HOXA3: variants seen among roughly 807,000 people sequenced by gnomAD.
HOXA3 encodes homeobox protein Hox-A3.
HOXA3 carries 8 observed loss-of-function variants against 30.3 expected under a neutral mutation model. The ratio of observed to expected loss-of-function variants is 0.26; its 90% CI spans 0.15 to 0.48. The LOEUF (loss-of-function observed/expected upper bound fraction) is 0.48. HOXA3 is among the 20% of genes least tolerant of loss of function. The probability of loss-of-function intolerance (pLI) is 0.99; values close to 1 mark genes in which losing one functional copy is unlikely to be tolerated. For synonymous variants in HOXA3, 323 were observed against 273.1 expected, an observed-to-expected ratio of 1.18 and a Z score of -1.80; for missense variants, 653 against 614.4, an observed-to-expected ratio of 1.06 and a Z score of -0.66.
In HOXA3 at chr7:27,129,769, A is replaced by C. The variant is rs6957209; in HGVS notation, c.-389-2699T>G. Reference sequence around the variant, plus strand: ...GGCTATTGACAACGGGAAACACCCGAGAGCCATAAAGAATGGTGCTGGGCA... The same window carrying C: ...GGCTATTGACAACGGGAAACACCCGCGAGCCATAAAGAATGGTGCTGGGCA... On this transcript the variant is annotated intron_variant, in intron 2 of 5. Coordinates refer to ENST00000612286, the MANE Select transcript of HOXA3 (RefSeq NM_153631.3). Among the ~76,000 whole-genome samples, 20,757 of 152,258 alleles carry C rather than the reference A, an allele frequency of 0.14. 1,711 individuals carry two copies. Among genetic ancestry groups the C allele is most frequent in the African/African-American group, 0.21 (8,914 of 41,540 alleles).
chr7:27,129,436 G>A (rs755660182), intron 2 of HOXA3: 10 of 1,614,120 alleles, frequency 6.2e-6, no homozygotes, highest in African/African-American at 1.3e-5. Context: ...CAAACAGAGC[G>A]TGTGGGCGAT....
At position 27,114,744 on chromosome 7, in the gene HOXA3, T is replaced by TACACACACACACACACACACACAC. The variant is rs70994629; in HGVS notation, c.-120-4008_-120-3985dup. On this transcript the variant is annotated intron_variant, in intron 4 of 5. Coordinates refer to ENST00000612286, the MANE Select transcript of HOXA3 (RefSeq NM_153631.3). The stretch of plus-strand genomic sequence containing the variant: ...CTGACCCCAAGAGAAACCGACATCA[T>TACACACACACACACACACACACAC]ACACACACACACACACACACACACG... 4.9e-3 allele frequency among the ~76,000 whole-genome samples: 461 copies of TACACACACACACACACACACACAC among 93,422 alleles called. 24 individuals carry two copies. Among genetic ancestry groups the TACACACACACACACACACACACAC allele is most frequent in the South Asian group, 6.6e-3 (16 of 2,412 alleles). 61.3% of individuals were successfully genotyped at this position (93,422 alleles called of 152,430 possible). A position where few individuals can be genotyped will look rare whatever the true frequency, so the allele number is the denominator to read the frequency against.
intron 4 of HOXA3, among the ~76,000 whole-genome samples, chr7:27,114,151 G>A (rs1274161853): frequency 6.6e-6 from 1 of 151,722 alleles, no homozygotes; most frequent in Non-Finnish European, 1.5e-5. Flanking sequence ...GAGGGAGAAG[G>A]GGAGCTCGGC....
intron 2 of HOXA3, chr7:27,129,174 G>T (rs764552555): frequency 1.8e-6 from 2 of 1,097,268 alleles, no homozygotes; most frequent in East Asian, 4.7e-5. Flanking sequence ...AGCAGGAGAA[G>T]AGAAGAGAAA....
intron 2 of HOXA3, chr7:27,129,678 C>T (rs1785436621): frequency 1.7e-6 from 2 of 1,203,492 alleles, no homozygotes; most frequent in Admixed American, 3.9e-5. Flanking sequence ...TGGACATCAT[C>T]ATTATATAAT....
chr7:27,130,856 C>T, intron 2 of HOXA3: 3 of 1,017,552 alleles, frequency 2.9e-6, no homozygotes, highest in African/African-American at 1.6e-5. Context: ...TCCCCTCCCC[C>T]CGCTGTCAAG....
chr7:27,127,331 A>G (rs1785326200), intron 2 of HOXA3, among the ~76,000 whole-genome samples: 1 of 152,138 alleles, frequency 6.6e-6, no homozygotes, highest in Non-Finnish European at 1.5e-5. Flanking sequence ...GGCTCTTCAG[A>G]GACTGGTATC....
intron 1 of HOXA3, chr7:27,145,691 G>A: frequency 6.2e-7 from 1 of 1,614,160 alleles, no homozygotes; most frequent in African/African-American, 1.3e-5. Context: ...AGTCCTCCCC[G>A]CTGGGCTGCG....
intron 4 of HOXA3, among the ~76,000 whole-genome samples, chr7:27,116,946 T>C (rs1278229396): frequency 1.3e-5 from 2 of 151,332 alleles, no homozygotes; most frequent in Non-Finnish European, 3.0e-5. Flanking sequence ...CCTGATTTGA[T>C]TTTTTTTTCA....
At chr7:27,126,229 C>T (rs969880889) in intron 3 of HOXA3, among the ~76,000 whole-genome samples, 16 of 152,124 alleles carry the variant, frequency 1.1e-4, no homozygotes, top group African/African-American at 3.6e-4. Flanking sequence ...TGTCTCCTAT[C>T]CGATTTAGGT....
At chr7:27,129,289 T>C in intron 2 of HOXA3, 4 of 1,613,896 alleles carry the variant, frequency 2.5e-6, no homozygotes, top group Non-Finnish European at 3.4e-6. Context: ...GTGTGGGCTC[T>C]GAGTTTGTGC....
At chr7:27,114,506 C>G (rs1464803949) in intron 4 of HOXA3, among the ~76,000 whole-genome samples, 1 of 151,726 alleles carries the variant, frequency 6.6e-6, no homozygotes, top group African/African-American at 2.4e-5. Flanking sequence ...CAACTGGGCT[C>G]TCTTTGGTTA....
At position 27,107,070 on chromosome 7, in the gene HOXA3, A is replaced by T. The variant is rs1035139769; in HGVS notation, c.*845T>A. The T allele has an allele frequency of 3.9e-5, 6 of 152,790 alleles. No individual in the cohort carries two copies. The highest frequency in any genetic ancestry group is 3.4e-3 in the Middle Eastern group (1 of 294). 9.5% of individuals were successfully genotyped at this position (152,790 alleles called of 1,614,324 possible). Reference sequence around the variant, plus strand: ...TCAGAATGTGAGCAGCAAGGAATGAAGAACTCTCAAAACAAATCTAGTATT... The same window carrying T: ...TCAGAATGTGAGCAGCAAGGAATGATGAACTCTCAAAACAAATCTAGTATT... On this transcript the variant is annotated 3_prime_UTR_variant, in exon 6 of 6. Coordinates refer to ENST00000612286, the MANE Select transcript of HOXA3 (RefSeq NM_153631.3).
At chr7:27,114,464 G>A (rs1784563539) in intron 4 of HOXA3, among the ~76,000 whole-genome samples, 1 of 151,910 alleles carries the variant, frequency 6.6e-6, no homozygotes, top group Admixed American at 6.6e-5. Flanking sequence ...GGGGAGCTGG[G>A]ATAAGGCTTT....
chr7:27,150,317 TC>T (rs994624788), intron 1 of HOXA3: 1 of 152,346 alleles, frequency 6.6e-6, no homozygotes, highest in African/African-American at 2.4e-5. Flanking sequence ...CCTTTCAGTT[TC>T]TCTCCAAGGG....
chr7:27,108,575 C>T lies in HOXA3; in HGVS notation c.672G>A (p.Met224Ile), dbSNP rs1784164959. ...RYLCRPRRVE[M>I]ANLLNLTERQ... Reference sequence around the variant, plus strand: ...GCTCAGTGAGGTTCAGCAGATTGGCCATCTCCACCCGGCGCGGCCGGCACA... The same window carrying T: ...GCTCAGTGAGGTTCAGCAGATTGGCTATCTCCACCCGGCGCGGCCGGCACA... Residue 224 changes from methionine (M) to isoleucine (I), a missense_variant, in exon 6 of 6, where the codon ATG (methionine) becomes ATA (isoleucine). Physicochemically the swap from Met to Ile is conservative, Grantham distance 10 (BLOSUM62 1). Transcript: ENST00000612286. The surrounding 1 kb of genome is among the most constrained non-coding windows in gnomAD (Gnocchi z 5.0). The T allele has an allele frequency of 6.2e-7, 1 of 1,614,158 alleles. No homozygotes were observed. The highest frequency in any genetic ancestry group is 1.1e-5 in the South Asian group (1 of 91,088).
intron 2 of HOXA3, chr7:27,128,430 C>G (rs1324409509): frequency 6.6e-6 from 1 of 152,248 alleles, no homozygotes; most frequent in Non-Finnish European, 1.5e-5. Flanking sequence ...AAGCTATCTA[C>G]AAGGTTTTTA....
chr7:27,117,148 G>A (rs1784768670), intron 4 of HOXA3, among the ~76,000 whole-genome samples: 1 of 152,146 alleles, frequency 6.6e-6, no homozygotes, highest in African/African-American at 2.4e-5. Flanking sequence ...CAATAATCTG[G>A]AAACATGCAG....
rs909441206 is a variant in HOXA3 at position 27,108,693 on chromosome 7, G to C, written c.554C>G (p.Pro185Arg). ...GCGCTTGGACGAAGCCTGCCCCGGC[G>C]GGCTCTTGTCGCCAGCGCAGCTTTC... ...SGESCAGDKS[P>R]PGQASSKRAR... Residue 185 changes from proline (P) to arginine (R), a missense_variant, in exon 6 of 6, where the codon CCG becomes CGG. This residue lies in a region of HOXA3 where 320 missense variants were observed against 321.9 expected (regional missense o/e 0.99). Transcript: ENST00000612286. The surrounding 1 kb of genome is among the most constrained non-coding windows in gnomAD (Gnocchi z 5.0). 1 of 1,606,048 alleles carries C rather than the reference G, an allele frequency of 6.2e-7. No individual in the cohort carries two copies.
Sources: gnomAD v4.1 joint callset for allele counts (sites outside exome capture counted in the v4.1 genomes callset) on GRCh38, gnomAD v4.1.1 for gene constraint, gnomAD v4.1.1 regional missense constraint, Gnocchi (gnomAD v3.1) non-coding constraint, MANE v1.5 for transcripts, NCBI Gene and HGNC (gene_info 2026-07-23, HGNC 2026-07-21) for gene names.